Variants in NUDCD3 observed in about 807,000 individuals in gnomAD.
The protein encoded by NUDCD3 is nudC domain-containing protein 3.
Under a neutral mutation model 39.7 loss-of-function variants are expected in NUDCD3, and 13 were observed. The ratio of observed to expected loss-of-function variants is 0.33; its 90% CI spans 0.21 to 0.52. NUDCD3 has a LOEUF of 0.52. Ranked by LOEUF, NUDCD3 falls within the 20% of genes least tolerant of loss-of-function variation. NUDCD3 has a pLI of 0.96. For synonymous variants in NUDCD3, 175 were observed against 172.4 expected (o/e 1.02, Z -0.12); for missense variants, 453 against 458.1 (o/e 0.99, Z 0.10).
intron 2 of NUDCD3, among the ~76,000 whole-genome samples, chr7:44,463,038 T>C (rs993612934): frequency 2.0e-5 from 3 of 151,516 alleles, no homozygotes; most frequent in African/African-American, 7.3e-5. Flanking sequence ...ATTGTATGAG[T>C]GCCCATGGCC....
At chr7:44,453,398 C>T (rs1435001868) in intron 2 of NUDCD3, among the ~76,000 whole-genome samples, 1 of 151,856 alleles carries the variant, frequency 6.6e-6, no homozygotes, top group Non-Finnish European at 1.5e-5. Flanking sequence ...AATAAATAAA[C>T]AATGTCCATA....
At position 44,485,089 on chromosome 7, in the gene NUDCD3, C is replaced by T. The variant is rs368303594; in HGVS notation, c.388G>A (p.Val130Ile). 10 of 1,614,208 alleles carry T rather than the reference C, an allele frequency of 6.2e-6. No homozygotes were observed. Among genetic ancestry groups the T allele is most frequent in the Admixed American group, 1.7e-5 (1 of 60,030 alleles). ...GGGCCTGGAGGCTGCACTTTCTCTACTTCCTGATGCCCATCCAATTCTGTG... is the reference window on the plus strand; with the variant it reads ...GGGCCTGGAGGCTGCACTTTCTCTATTTCCTGATGCCCATCCAATTCTGTG... ...STTELDGHQE[V>I]EKVQPPGPVK... is the part of the protein sequence containing the mutation. Residue 130 changes from valine to isoleucine, a missense_variant, in exon 2 of 6, where the codon GTA (valine) becomes ATA (isoleucine). By Grantham distance (29) the Val-to-Ile change is conservative. Coordinates refer to ENST00000355451, the MANE Select transcript of NUDCD3 (RefSeq NM_015332.4).
chr7:44,481,238 A>C (rs1243899036), intron 2 of NUDCD3: 2 of 152,222 alleles, frequency 1.3e-5, no homozygotes, highest in African/African-American at 4.8e-5. Flanking sequence ...TCCCCTGCAG[A>C]TACCAAGGGA....
chr7:44,392,706 T>C (rs1407797639), intron 4 of NUDCD3, among the ~76,000 whole-genome samples: 1 of 152,102 alleles, frequency 6.6e-6, no homozygotes, highest in Admixed American at 6.5e-5. Flanking sequence ...AGGGAAGAGC[T>C]AGGAGGCACA....
intron 5 of NUDCD3, among the ~76,000 whole-genome samples, chr7:44,390,209 AC>A (rs1264434596): frequency 2.6e-5 from 4 of 152,052 alleles, no homozygotes; most frequent in Non-Finnish European, 5.9e-5. Context: ...TACTAAAAAT[AC>A]AAAATTAGCT....
At chr7:44,393,682 T>C (rs566861627) in intron 4 of NUDCD3, among the ~76,000 whole-genome samples, 2 of 152,274 alleles carry the variant, frequency 1.3e-5, no homozygotes, top group African/African-American at 4.8e-5. Flanking sequence ...CATGCCCAAG[T>C]GTGATGGGAC....
chr7:44,410,001 G>A (rs1798893070), intron 3 of NUDCD3, among the ~76,000 whole-genome samples: 1 of 152,008 alleles, frequency 6.6e-6, no homozygotes, highest in African/African-American at 2.4e-5. Flanking sequence ...TGCGAAACAG[G>A]AGGAAAAAAC....
At chr7:44,474,495 A>G (rs532808468) in intron 2 of NUDCD3, among the ~76,000 whole-genome samples, 101 of 152,268 alleles carry the variant, frequency 6.6e-4, no homozygotes, top group African/African-American at 2.3e-3. Flanking sequence ...CTGGTTCTCA[A>G]TTTTTGGAAA....
At chr7:44,436,329 T>C (rs1009036821) in intron 2 of NUDCD3, among the ~76,000 whole-genome samples, 1 of 152,136 alleles carries the variant, frequency 6.6e-6, no homozygotes, top group Non-Finnish European at 1.5e-5. Context: ...ACAACAACCA[T>C]GTCGTGTTGC....
At chr7:44,405,120 A>AAGAGTAT (rs1036670383) in intron 3 of NUDCD3, among the ~76,000 whole-genome samples, 11 of 152,174 alleles carry the variant, frequency 7.2e-5, no homozygotes, top group Admixed American at 4.6e-4. Context: ...GTCTTCATCC[A>AAGAGTAT]AGAGTATGAG....
chr7:44,482,244 A>C (rs1044723811), intron 2 of NUDCD3, among the ~76,000 whole-genome samples: 2 of 152,216 alleles, frequency 1.3e-5, no homozygotes, highest in African/African-American at 4.8e-5. Flanking sequence ...TCCATGAGAC[A>C]AGTAGGAAAC....
At chr7:44,391,060 T>A (rs183069236) in intron 5 of NUDCD3, among the ~76,000 whole-genome samples, 1 of 152,098 alleles carries the variant, frequency 6.6e-6, no homozygotes, top group Non-Finnish European at 1.5e-5. Flanking sequence ...CAGACAGGTG[T>A]GAAATCAAAT....
chr7:44,430,811 G>A (rs955589300), intron 2 of NUDCD3, among the ~76,000 whole-genome samples: 8 of 152,186 alleles, frequency 5.3e-5, no homozygotes, highest in African/African-American at 1.9e-4. Context: ...CTCCTCCAGG[G>A]CAAAAGGCTG....
rs142643775 is a variant in NUDCD3, at chr7:44,482,258, G to T, written c.509+2710C>A. ...CTCCATGAGACAAGTAGGAAACCTG[G>T]GTAACTGACATGGACAATCCCTAGA... On this transcript the variant is annotated intron_variant, in intron 2 of 5. Coordinates refer to ENST00000355451, the MANE Select transcript of NUDCD3 (RefSeq NM_015332.4). Among the ~76,000 whole-genome samples the T allele has an allele frequency of 3.7e-4, 57 of 152,102 alleles. 1 individual carries two copies. The highest frequency in any genetic ancestry group is 1.4e-3 in the African/African-American group (56 of 41,402).
intron 5 of NUDCD3, among the ~76,000 whole-genome samples, chr7:44,389,213 G>A (rs1466280303): frequency 1.3e-5 from 2 of 152,230 alleles, no homozygotes; most frequent in African/African-American, 4.8e-5. Context: ...TACATACAAT[G>A]TGTAGTGCTG....
chr7:44,450,006 G>C (rs966312050), intron 2 of NUDCD3, among the ~76,000 whole-genome samples: 3 of 152,082 alleles, frequency 2.0e-5, no homozygotes, highest in Admixed American at 2.0e-4. Context: ...TCCAGAATAT[G>C]CAGAAAGCTC....
chr7:44,379,306 T>A lies in NUDCD3; in HGVS notation c.*6705A>T, dbSNP rs1798270144. ...CTGTCTCAAAAAAAAAAAAAACTTT[T>A]AAAATGACCATATCATGGAAAATTC... On this transcript the variant is annotated 3_prime_UTR_variant, in exon 6 of 6. Transcript: ENST00000355451. 1 of 122,540 alleles carries A rather than the reference T, an allele frequency of 8.2e-6. No individual in the cohort carries two copies. Among genetic ancestry groups the A allele is most frequent in the African/African-American group, 3.1e-5 (1 of 31,954 alleles). 7.6% of individuals were successfully genotyped at this position (122,540 alleles called of 1,614,324 possible). A position where few individuals can be genotyped will look rare whatever the true frequency, so the allele number is the denominator to read the frequency against.
At chr7:44,447,716 G>C (rs769690878) in intron 2 of NUDCD3, among the ~76,000 whole-genome samples, 25 of 152,270 alleles carry the variant, frequency 1.6e-4, no homozygotes, top group Non-Finnish European at 2.5e-4. Flanking sequence ...TGTTACAGCA[G>C]CCCAAATGAA....
At chr7:44,401,380 G>A (rs917822194) in intron 4 of NUDCD3, among the ~76,000 whole-genome samples, 6 of 152,148 alleles carry the variant, frequency 3.9e-5, no homozygotes, top group Non-Finnish European at 8.8e-5. Context: ...GACAACAAAC[G>A]CCTTAGCTCC....
Sources: gnomAD v4.1 joint callset for allele counts (sites outside exome capture counted in the v4.1 genomes callset) on GRCh38, gnomAD v4.1.1 for gene constraint, MANE v1.5 for transcripts, NCBI Gene and HGNC (gene_info 2026-07-23, HGNC 2026-07-21) for gene names.